The following LRRC4C variants were observed in gnomAD, a reference collection of about 807,000 sequenced individuals.
The protein encoded by LRRC4C is leucine-rich repeat-containing protein 4C.
LRRC4C carries 5 observed loss-of-function variants against 33.6 expected under a neutral mutation model. That is an observed-to-expected ratio of 0.15 (90% CI 0.08 to 0.31). The LOEUF is 0.31. Among genes scored for constraint, LRRC4C ranks in the 10% least tolerant of loss-of-function variants. The pLI is 1.00. For missense variants in LRRC4C, 560 were observed against 796.7 expected (o/e 0.70, Z 3.58); for synonymous variants, 329 against 302.0 (o/e 1.09, Z -0.93).
chr11:40,762,861 T>C (rs1365261004), intron 2 of LRRC4C, among the ~76,000 whole-genome samples: 1 of 152,030 alleles, frequency 6.6e-6, no homozygotes, highest in African/African-American at 2.4e-5. Context: ...CGAGATTTAC[T>C]ACTGATACCC....
chr11:40,378,186 C>T (rs915523754), intron 3 of LRRC4C, among the ~76,000 whole-genome samples: 3 of 151,904 alleles, frequency 2.0e-5, no homozygotes, highest in Non-Finnish European at 2.9e-5. Flanking sequence ...AGATCATACA[C>T]CAAGAAATGA....
intron 3 of LRRC4C, among the ~76,000 whole-genome samples, chr11:40,546,107 TTCC>T (rs1956910904): frequency 6.6e-6 from 1 of 150,922 alleles, no homozygotes; most frequent in Non-Finnish European, 1.5e-5. Flanking sequence ...CCTTCCTTCC[TTCC>T]TTCCTTCCTT....
At chr11:40,757,868 G>T (rs1949027054) in intron 2 of LRRC4C, among the ~76,000 whole-genome samples, 1 of 152,030 alleles carries the variant, frequency 6.6e-6, no homozygotes, top group African/African-American at 2.4e-5. Flanking sequence ...TCTAGGTCAA[G>T]AATTTAGAGT....
At chr11:40,513,084 C>G (rs1221858020) in intron 3 of LRRC4C, among the ~76,000 whole-genome samples, 1 of 151,704 alleles carries the variant, frequency 6.6e-6, no homozygotes, top group Admixed American at 6.6e-5. Flanking sequence ...CCCGTCTCTA[C>G]TACAAATACA....
At chr11:41,357,319 T>C (rs372043041) in intron 1 of LRRC4C, among the ~76,000 whole-genome samples, 2 of 152,304 alleles carry the variant, frequency 1.3e-5, no homozygotes, top group African/African-American at 2.4e-5. Flanking sequence ...TTTACTGTTA[T>C]ATTTTAGGTA....
At position 40,839,218 on chromosome 11, in the gene LRRC4C, C is replaced by T. The variant is rs1225531566; in HGVS notation, c.-407+94417G>A. Among the ~76,000 whole-genome samples the T allele has an allele frequency of 5.3e-5, 8 of 152,104 alleles. No individual in the cohort carries two copies. In the East Asian group the frequency reaches 1.4e-3, roughly 26 times the overall value. On this transcript the variant is annotated intron_variant, in intron 2 of 6. Coordinates refer to ENST00000528697, the MANE Select transcript of LRRC4C (RefSeq NM_001258419.2). ...TATATTATTTGCTATAAGCATTCAT[C>T]ACCTATTTCCCTATTTCTTTTCTTT...
At chr11:40,378,860 G>A (rs1291800798) in intron 3 of LRRC4C, among the ~76,000 whole-genome samples, 2 of 152,110 alleles carry the variant, frequency 1.3e-5, no homozygotes, top group Non-Finnish European at 2.9e-5. Flanking sequence ...ATTTAAAGCT[G>A]AGATTCATAC....
chr11:40,866,297 C>A (rs1020570922), intron 2 of LRRC4C, among the ~76,000 whole-genome samples: 1 of 151,578 alleles, frequency 6.6e-6, no homozygotes, highest in African/African-American at 2.4e-5. Flanking sequence ...AAAGATATTT[C>A]CTTTTAACAA....
intron 3 of LRRC4C, among the ~76,000 whole-genome samples, chr11:40,337,170 CA>C (rs1946666347): frequency 1.3e-5 from 2 of 152,038 alleles, no homozygotes; most frequent in South Asian, 4.2e-4. Context: ...CCTGACGTAG[CA>C]AAGTGCTTGG....
At chr11:40,668,939 G>C (rs775865178) in intron 2 of LRRC4C, among the ~76,000 whole-genome samples, 1 of 152,062 alleles carries the variant, frequency 6.6e-6, no homozygotes, top group Non-Finnish European at 1.5e-5. Context: ...AACTTATAAG[G>C]GCAAACACCT....
At chr11:40,763,276 T>C (rs1949310692) in intron 2 of LRRC4C, among the ~76,000 whole-genome samples, 1 of 152,058 alleles carries the variant, frequency 6.6e-6, no homozygotes, top group South Asian at 2.1e-4. Context: ...CCATCTGGTC[T>C]GTGTCTCCTA....
At chr11:41,040,667 C>T (rs1857377641) in intron 1 of LRRC4C, among the ~76,000 whole-genome samples, 1 of 152,188 alleles carries the variant, frequency 6.6e-6, no homozygotes. Context: ...GACTTCTCAA[C>T]CTGAAACTAA....
At chr11:41,250,499 G>A (rs1565518174) in intron 1 of LRRC4C, among the ~76,000 whole-genome samples, 1 of 152,178 alleles carries the variant, frequency 6.6e-6, no homozygotes, top group Non-Finnish European at 1.5e-5. Context: ...AATAGAAAGT[G>A]AGTCCTGGCA....
chr11:40,358,273 C>T (rs959773987), intron 3 of LRRC4C, among the ~76,000 whole-genome samples: 5 of 152,010 alleles, frequency 3.3e-5, no homozygotes, highest in African/African-American at 1.2e-4. Flanking sequence ...AAGCTTCCCT[C>T]CCCAAACTCC....
intron 3 of LRRC4C, among the ~76,000 whole-genome samples, chr11:40,500,767 C>A (rs1445075491): frequency 6.6e-6 from 1 of 152,060 alleles, no homozygotes; most frequent in African/African-American, 2.4e-5. Context: ...CAACCCATAT[C>A]ATTTCACACC....
intron 1 of LRRC4C, among the ~76,000 whole-genome samples, chr11:41,449,748 CAGTT>C (rs1326929891): frequency 7.0e-6 from 1 of 142,858 alleles, no homozygotes; most frequent in Non-Finnish European, 1.5e-5. Flanking sequence ...TCAGTCTGAG[CAGTT>C]AGTTTCCTCT....
chr11:41,380,252 C>A (rs1454744480), intron 1 of LRRC4C, among the ~76,000 whole-genome samples: 1 of 152,224 alleles, frequency 6.6e-6, no homozygotes, highest in Non-Finnish European at 1.5e-5. Flanking sequence ...TTGACAGTAA[C>A]ATATTACATC....
chr11:41,171,881 A>G lies in LRRC4C; in HGVS notation c.-495-238158T>C, dbSNP rs144513681. Among the ~76,000 whole-genome samples, 33 of 152,116 alleles carry G rather than the reference A, an allele frequency of 2.2e-4. No homozygotes were observed. In the East Asian group the frequency reaches 6.1e-3, roughly 28 times the overall value. On this transcript the variant is annotated intron_variant, in intron 1 of 6. Coordinates refer to ENST00000528697, the MANE Select transcript of LRRC4C (RefSeq NM_001258419.2). ...AAGCAGACTGAAAAGGCATGTAGATACTGAACGACCACCAGGCCAGCTGCT... is the reference window on the plus strand; with the variant it reads ...AAGCAGACTGAAAAGGCATGTAGATGCTGAACGACCACCAGGCCAGCTGCT...
chr11:40,332,544 A>G (rs1459495169), intron 3 of LRRC4C, among the ~76,000 whole-genome samples: 1 of 152,168 alleles, frequency 6.6e-6, no homozygotes, highest in Admixed American at 6.5e-5. Flanking sequence ...ACACAATTCA[A>G]CTCACAACAA....
Sources: allele counts gnomAD v4.1 joint callset (sites outside exome capture counted in the v4.1 genomes callset), GRCh38; gene constraint gnomAD v4.1.1; transcripts MANE v1.5; gene names NCBI Gene and HGNC (gene_info 2026-07-23, HGNC 2026-07-21).